FGF13: variants seen among roughly 807,000 people sequenced by gnomAD.
The protein encoded by FGF13 is fibroblast growth factor 13, also known as fibroblast growth factor homologous factor 2.
FGF13 carries 2 observed loss-of-function variants against 19.5 expected under a neutral mutation model. The observed-to-expected ratio is 0.10, with a 90% CI of 0.04 to 0.32. The LOEUF (loss-of-function observed/expected upper bound fraction) is 0.32, where lower values mean the gene tolerates loss of function less well. Ranked by LOEUF, FGF13 falls within the 10% of genes least tolerant of loss-of-function variation. FGF13 has a pLI of 1.00. For missense variants in FGF13, 113 were observed against 192.7 expected (o/e 0.59, Z 2.45); for synonymous variants, 72 against 76.9 (o/e 0.94, Z 0.33).
chrX:138,695,818 A>C (rs1310855736), intron 3 of FGF13, among the ~76,000 whole-genome samples: 3 of 112,431 alleles, frequency 2.7e-5, no homozygotes, highest in Non-Finnish European at 5.6e-5. Context: ...AACAGCATGC[A>C]TTAATCAAGG....
At chrX:139,103,329 GAAT>G (rs1473825346) in intron 1 of FGF13, among the ~76,000 whole-genome samples, 4 of 112,267 alleles carry the variant, frequency 3.6e-5, no homozygotes, top group Admixed American at 9.4e-5. Flanking sequence ...CCATACAATG[GAAT>G]ATTATTCAGT....
At chrX:138,928,256 A>G (rs2091684048) in intron 1 of FGF13, among the ~76,000 whole-genome samples, 1 of 110,534 alleles carries the variant, frequency 9.0e-6, no homozygotes, top group Non-Finnish European at 1.9e-5. Flanking sequence ...AGACTGAGCA[A>G]ATATTTTAAT....
intron 3 of FGF13, among the ~76,000 whole-genome samples, chrX:138,760,018 G>C: frequency 9.0e-6 from 1 of 111,189 alleles, no homozygotes; most frequent in Non-Finnish European, 1.9e-5. Context: ...TGCCTTGTTG[G>C]GGTGTATGAG....
intron 1 of FGF13, among the ~76,000 whole-genome samples, chrX:139,185,128 G>A (rs1428705480): frequency 8.9e-6 from 1 of 112,152 alleles, no homozygotes; most frequent in Non-Finnish European, 1.9e-5. Context: ...AAAAGGGGGT[G>A]CTGAGTACAT....
rs188490072 is a variant in FGF13, at chrX:139,077,218, A to G, written c.-113+126198T>C. 4.3e-3 allele frequency among the ~76,000 whole-genome samples: 480 copies of G among 111,900 alleles called. 3 individuals carry two copies. The highest frequency in any genetic ancestry group is 0.015 in the African/African-American group (455 of 30,804). On this transcript the variant is annotated intron_variant, in intron 1 of 2. Transcript: ENST00000421460. The stretch of plus-strand genomic sequence containing the variant: ...ACTTGCCATCAGACCCCTTGGTAGC[A>G]TTCAATAAATGCCAGTTAAGCTTTA...
chrX:138,950,616 C>T (rs761460917), intron 1 of FGF13, among the ~76,000 whole-genome samples: 41 of 112,027 alleles, frequency 3.7e-4, no homozygotes, highest in African/African-American at 1.3e-3. Context: ...ATTTAATGAG[C>T]ACATTGTGTT....
intron 1 of FGF13, among the ~76,000 whole-genome samples, chrX:139,159,268 A>G (rs761511026): frequency 3.6e-5 from 4 of 112,003 alleles, no homozygotes; most frequent in South Asian, 3.7e-4. Flanking sequence ...CTTTACAGAC[A>G]GCCAAATGCT....
chrX:138,756,747 G>A (rs950797855), intron 3 of FGF13, among the ~76,000 whole-genome samples: 1 of 111,622 alleles, frequency 9.0e-6, no homozygotes, highest in Admixed American at 9.5e-5. Context: ...TCAGTCTGGG[G>A]TGTAAATTTC....
intron 1 of FGF13, among the ~76,000 whole-genome samples, chrX:138,952,776 C>A (rs2091820338): frequency 9.0e-6 from 1 of 111,405 alleles, no homozygotes; most frequent in Admixed American, 9.5e-5. Context: ...AGGATATGAA[C>A]AGACACTTCT....
intron 1 of FGF13, among the ~76,000 whole-genome samples, chrX:139,067,858 G>T (rs886253379): frequency 3.7e-5 from 4 of 109,183 alleles, no homozygotes; most frequent in African/African-American, 6.8e-5. Flanking sequence ...TAAATTTGTT[G>T]GAGTTCATTG....
intron 3 of FGF13, among the ~76,000 whole-genome samples, chrX:138,676,652 C>T (rs187636755): frequency 6.1e-4 from 68 of 111,213 alleles, no homozygotes; most frequent in Non-Finnish European, 1.2e-3. Context: ...TGAAACTATC[C>T]CACCTCATAT....
intron 1 of FGF13, among the ~76,000 whole-genome samples, chrX:139,072,468 G>C (rs1044006559): frequency 9.0e-5 from 10 of 111,419 alleles, no homozygotes; most frequent in African/African-American, 3.3e-4. Context: ...CCCAAGATGT[G>C]GTATTTTGTT....
chrX:139,159,051 G>C (rs1039860473), intron 1 of FGF13, among the ~76,000 whole-genome samples: 5 of 111,569 alleles, frequency 4.5e-5, no homozygotes, highest in African/African-American at 1.6e-4. Context: ...TTGAAACGAA[G>C]GAAAAAATGT....
chrX:138,886,150 A>G (rs2091450787), intron 1 of FGF13, among the ~76,000 whole-genome samples: 1 of 112,031 alleles, frequency 8.9e-6, no homozygotes, highest in Non-Finnish European at 1.9e-5. Context: ...TATAAGAAAG[A>G]ATGTACTTTC....
intron 1 of FGF13, among the ~76,000 whole-genome samples, chrX:139,072,276 TACACACACACAC>T (rs761988012): frequency 1.7e-4 from 17 of 99,092 alleles, no homozygotes; most frequent in East Asian, 1.3e-3. Flanking sequence ...TCTCTCTCTC[TACACACACACAC>T]ACACACACAC....
rs190092821 is a variant in FGF13, at chrX:138,791,768, A to G, written c.217+65744T>C. Among the ~76,000 whole-genome samples, 14 of 112,163 alleles carry G rather than the reference A, an allele frequency of 1.2e-4. No homozygotes were observed. In the East Asian group the frequency reaches 3.9e-3, roughly 32 times the overall value. ...AACTCCAGGAGCATTCAGCTAGAAA[A>G]GTAAATGCAATTTTAAAAGGTTCAT... On this transcript the variant is annotated intron_variant, in intron 3 of 6. Coordinates refer to the FGF13 transcript ENST00000436198.
At chrX:138,885,312 G>C (rs929144281) in intron 1 of FGF13, among the ~76,000 whole-genome samples, 2 of 111,547 alleles carry the variant, frequency 1.8e-5, no homozygotes, top group Middle Eastern at 4.7e-3. Flanking sequence ...GAGGCCAAGG[G>C]GTTGAGCCAG....
chrX:138,992,230 G>T (rs1479174210), intron 1 of FGF13, among the ~76,000 whole-genome samples: 5 of 110,727 alleles, frequency 4.5e-5, no homozygotes, highest in African/African-American at 1.6e-4. Flanking sequence ...ATATTTGGGG[G>T]ATATTAGTCT....
intron 3 of FGF13, among the ~76,000 whole-genome samples, chrX:138,646,702 A>T (rs1484798299): frequency 1.8e-5 from 2 of 111,798 alleles, no homozygotes; most frequent in African/African-American, 6.5e-5. Flanking sequence ...GGTATTCAGG[A>T]AATGACCCTA....
Sources: allele counts gnomAD v4.1 joint callset (sites outside exome capture counted in the v4.1 genomes callset), GRCh38; gene constraint gnomAD v4.1.1; transcripts MANE v1.5; gene names NCBI Gene and HGNC (gene_info 2026-07-23, HGNC 2026-07-21).